Variants in DLG2 observed in about 807,000 individuals in gnomAD.
DLG2 encodes discs large MAGUK scaffold protein 2.
A neutral mutation model predicts 132.5 loss-of-function variants in DLG2; 45 were observed. The ratio of observed to expected loss-of-function variants is 0.34; its 90% CI spans 0.27 to 0.44. The LOEUF is 0.44. Ranked by LOEUF, DLG2 falls within the 20% of genes least tolerant of loss-of-function variation. The pLI is 1.00. For missense variants in DLG2, 1,045 were observed against 1,196.9 expected, an observed-to-expected ratio of 0.87 and a Z score of 1.87; for synonymous variants, 424 against 419.6, an observed-to-expected ratio of 1.01 and a Z score of -0.13.
intron 6 of DLG2, among the ~76,000 whole-genome samples, chr11:84,858,653 T>A (rs950860289): frequency 6.6e-6 from 1 of 152,106 alleles, no homozygotes; most frequent in Non-Finnish European, 1.5e-5. Flanking sequence ...ATGAGACATG[T>A]TTTTGTGAAT....
At chr11:85,040,312 A>G (rs1236990720) in intron 6 of DLG2, among the ~76,000 whole-genome samples, 1 of 151,930 alleles carries the variant, frequency 6.6e-6, no homozygotes, top group Non-Finnish European at 1.5e-5. Context: ...ACATGACTCA[A>G]AAGCAACACA....
chr11:84,098,276 T>C (rs1023142308), intron 10 of DLG2, among the ~76,000 whole-genome samples: 17 of 152,106 alleles, frequency 1.1e-4, no homozygotes, highest in Non-Finnish European at 1.5e-4. Flanking sequence ...TGACCTCAAG[T>C]GATCCATCTG....
At chr11:83,696,177 T>C (rs1176252946) in intron 18 of DLG2, among the ~76,000 whole-genome samples, 1 of 151,946 alleles carries the variant, frequency 6.6e-6, no homozygotes, top group African/African-American at 2.4e-5. Context: ...GCAGTCCAGG[T>C]AGGAGGGATA....
At chr11:84,100,913 T>C (rs1032491130) in intron 9 of DLG2, among the ~76,000 whole-genome samples, 2 of 152,152 alleles carry the variant, frequency 1.3e-5, no homozygotes, top group Admixed American at 6.6e-5. Context: ...ATTTATTACA[T>C]ATGTTGAAAG....
intron 6 of DLG2, among the ~76,000 whole-genome samples, chr11:84,972,468 A>G (rs1317175735): frequency 6.6e-6 from 1 of 152,202 alleles, no homozygotes; most frequent in African/African-American, 2.4e-5. Flanking sequence ...TTTCTTGATG[A>G]ATCCTTCTTT....
At chr11:84,906,601 GAT>G in intron 6 of DLG2, among the ~76,000 whole-genome samples, 1 of 152,106 alleles carries the variant, frequency 6.6e-6, no homozygotes, top group South Asian at 2.1e-4. Flanking sequence ...AACTCCTAAG[GAT>G]ATAATGTAGG....
intron 19 of DLG2, among the ~76,000 whole-genome samples, chr11:83,608,628 T>C (rs1186814213): frequency 1.3e-5 from 2 of 152,074 alleles, no homozygotes; most frequent in Admixed American, 1.3e-4. Context: ...TTTTGCACTA[T>C]TGAAAAGTTG....
intron 4 of DLG2, among the ~76,000 whole-genome samples, chr11:85,231,560 T>C (rs1426117325): frequency 1.3e-5 from 2 of 151,756 alleles, no homozygotes; most frequent in African/African-American, 2.4e-5. Flanking sequence ...CTATTGACTA[T>C]TTTTTTTCAT....
chr11:84,535,533 C>G (rs76730272), intron 6 of DLG2, among the ~76,000 whole-genome samples: 2,072 of 152,172 alleles, frequency 0.014, 22 homozygotes, highest in South Asian at 0.045. Context: ...GTCTTCCAAA[C>G]AGATATAAGG....
chr11:84,426,315 A>G (rs1421172750), intron 7 of DLG2, among the ~76,000 whole-genome samples: 1 of 152,120 alleles, frequency 6.6e-6, no homozygotes, highest in Non-Finnish European at 1.5e-5. Flanking sequence ...AAAAATTCCT[A>G]AACCTCATAT....
intron 6 of DLG2, among the ~76,000 whole-genome samples, chr11:85,098,711 T>C (rs568792277): frequency 6.6e-6 from 1 of 152,346 alleles, no homozygotes; most frequent in East Asian, 1.9e-4. Flanking sequence ...CTACAAAATG[T>C]AAATTGAAAT....
At chr11:84,336,883 A>G (rs1290396422) in intron 7 of DLG2, among the ~76,000 whole-genome samples, 1 of 152,170 alleles carries the variant, frequency 6.6e-6, no homozygotes, top group East Asian at 1.9e-4. Flanking sequence ...TCTTATCCTC[A>G]TACCTATCAA....
intron 18 of DLG2, among the ~76,000 whole-genome samples, chr11:83,712,618 T>C (rs2153665583): frequency 6.6e-6 from 1 of 152,068 alleles, no homozygotes; most frequent in Non-Finnish European, 1.5e-5. Context: ...CAAGAGAACA[T>C]AAATCCATCT....
intron 3 of DLG2, among the ~76,000 whole-genome samples, chr11:85,563,851 G>A (rs2077389198): frequency 6.6e-6 from 1 of 152,038 alleles, no homozygotes; most frequent in Non-Finnish European, 1.5e-5. Flanking sequence ...GGAAAGGTAG[G>A]TTAAAATAAT....
intron 3 of DLG2, among the ~76,000 whole-genome samples, chr11:85,309,036 G>A (rs2080146335): frequency 6.6e-6 from 1 of 152,076 alleles, no homozygotes; most frequent in Admixed American, 6.6e-5. Flanking sequence ...ATAGAATAGG[G>A]AGAAAATAAT....
chr11:84,024,834 T>A (rs1394188563), intron 11 of DLG2, among the ~76,000 whole-genome samples: 1 of 151,566 alleles, frequency 6.6e-6, no homozygotes, highest in African/African-American at 2.4e-5. Context: ...TTTTGGGTTC[T>A]ATTGCCAAAC....
intron 6 of DLG2, among the ~76,000 whole-genome samples, chr11:84,926,115 A>T (rs2092967449): frequency 6.6e-6 from 1 of 152,122 alleles, no homozygotes; most frequent in African/African-American, 2.4e-5. Context: ...AAACTGAATG[A>T]AGCACTCAAA....
chr11:85,619,980 T>C (rs1006029022), intron 2 of DLG2, among the ~76,000 whole-genome samples: 2 of 152,230 alleles, frequency 1.3e-5, no homozygotes, highest in South Asian at 2.1e-4. Flanking sequence ...CTCATTTTAT[T>C]GCACTTTGCT....
At position 83,638,815 on chromosome 11, in the gene DLG2, A is replaced by G. The variant is rs56215653; in HGVS notation, c.1826-5490T>C. ...AATGTCCAATTCCAAAGCTGCTGCT[A>G]TTTTCAGGAATATCAGTGATTTCAT... is the stretch of plus-strand genomic sequence containing the variant. On this transcript the variant is annotated intron_variant, in intron 18 of 27. Coordinates refer to ENST00000376104, the MANE Select transcript of DLG2 (RefSeq NM_001142699.3). Among the ~76,000 whole-genome samples, 938 of 152,228 alleles carry G rather than the reference A, an allele frequency of 6.2e-3. 10 individuals are homozygous for G. The highest frequency in any genetic ancestry group is 0.022 in the African/African-American group (904 of 41,546).
Sources: gnomAD v4.1 joint callset for allele counts (sites outside exome capture counted in the v4.1 genomes callset) on GRCh38, gnomAD v4.1.1 for gene constraint, MANE v1.5 for transcripts, NCBI Gene and HGNC (gene_info 2026-07-23, HGNC 2026-07-21) for gene names.